ERBIN: variants seen among roughly 807,000 people sequenced by gnomAD.
The protein encoded by ERBIN is densin-180-like protein.
A neutral mutation model predicts 158.4 loss-of-function variants in ERBIN; 60 were observed. The observed-to-expected ratio is 0.38, with a 90% CI of 0.31 to 0.47. The LOEUF is 0.47. ERBIN is among the 20% of genes least tolerant of loss of function. The pLI is 0.99. For missense variants in ERBIN, 1,610 were observed against 1,648.0 expected (o/e 0.98, Z 0.40); for synonymous variants, 594 against 557.2 (o/e 1.07, Z -0.93).
At position 66,048,662 on chromosome 5, in the gene ERBIN, A is replaced by G. The variant is rs1758703588; in HGVS notation, c.1789-5A>G. ...TTTTTATCCCCCTCACCCCCTTTTC[A>G]CTAGGAATCTGAAGAACTTTCTTCT... On this transcript the variant is annotated splice_region_variant and splice_polypyrimidine_tract_variant and intron_variant, in intron 18 of 25. Coordinates refer to ENST00000284037, the MANE Select transcript of ERBIN (RefSeq NM_001253697.2). The G allele has an allele frequency of 6.3e-7, 1 of 1,586,770 alleles. No homozygotes were observed. The highest frequency in any genetic ancestry group is 1.3e-5 in the African/African-American group (1 of 74,080).
intron 22 of ERBIN, among the ~76,000 whole-genome samples, chr5:66,072,713 G>T (rs1008467994): frequency 3.9e-5 from 6 of 152,160 alleles, no homozygotes; most frequent in African/African-American, 1.4e-4. Flanking sequence ...CATCTTGAAA[G>T]ACTTTTGTAT....
intron 1 of ERBIN, among the ~76,000 whole-genome samples, chr5:65,956,625 C>T (rs251306): frequency 0.73 from 111,011 of 151,128 alleles, 42,525 homozygotes; most frequent in Non-Finnish European, 0.86. Flanking sequence ...AGCAGTCCAC[C>T]TGCCTCAGAC....
At chr5:65,943,600 T>C (rs2150894213) in intron 1 of ERBIN, among the ~76,000 whole-genome samples, 1 of 152,336 alleles carries the variant, frequency 6.6e-6, no homozygotes, top group South Asian at 2.1e-4. Flanking sequence ...TTCATCCAAG[T>C]CCAACTCAAG....
At chr5:66,071,682 A>T (rs934149425) in intron 21 of ERBIN, among the ~76,000 whole-genome samples, 1 of 151,942 alleles carries the variant, frequency 6.6e-6, no homozygotes, top group African/African-American at 2.4e-5. Flanking sequence ...AGGGGAAAAA[A>T]ATCCCATGGG....
chr5:66,020,375 C>T (rs1250375158), intron 7 of ERBIN, among the ~76,000 whole-genome samples: 2 of 151,738 alleles, frequency 1.3e-5, no homozygotes, highest in African/African-American at 4.8e-5. Context: ...GTTTTTCGTG[C>T]CGTAATTTGA....
chr5:66,056,794 C>A (rs1247177675), intron 21 of ERBIN, among the ~76,000 whole-genome samples: 1 of 152,116 alleles, frequency 6.6e-6, no homozygotes, highest in Non-Finnish European at 1.5e-5. Context: ...GTTCTCTCAT[C>A]ATTTGCTTGC....
chr5:66,062,411 C>T (rs1182843906), intron 21 of ERBIN, among the ~76,000 whole-genome samples: 2 of 152,150 alleles, frequency 1.3e-5, no homozygotes, highest in East Asian at 1.9e-4. Context: ...TTAAGGACTT[C>T]TCTGCATTGG....
intron 14 of ERBIN, among the ~76,000 whole-genome samples, chr5:66,033,934 T>C (rs911414170): frequency 4.0e-5 from 6 of 151,732 alleles, no homozygotes; most frequent in African/African-American, 1.5e-4. Flanking sequence ...TATGGGGAAA[T>C]CCCGTCTCTA....
intron 1 of ERBIN, among the ~76,000 whole-genome samples, chr5:65,943,167 C>A (rs1174391119): frequency 6.6e-6 from 1 of 152,140 alleles, no homozygotes; most frequent in African/African-American, 2.4e-5. Flanking sequence ...ATACATGTCC[C>A]TGATTGTTGC....
intron 21 of ERBIN, among the ~76,000 whole-genome samples, chr5:66,065,479 C>T (rs897394563): frequency 6.6e-6 from 1 of 151,954 alleles, no homozygotes; most frequent in African/African-American, 2.4e-5. Context: ...CTAGATTTTA[C>T]CTTTGTTCTT....
In ERBIN at chr5:66,025,857, A is replaced by G. The variant is rs1756186956; in HGVS notation, c.900A>G (p.Ser300=). The G allele has an allele frequency of 3.3e-6, 5 of 1,507,450 alleles. No homozygotes were observed. The Admixed American group carries it at 1.0e-4, about 31-fold the overall frequency. The allele number at this position is 1,507,450 out of a possible 1,614,324, so 93.4% of individuals were successfully genotyped here. A position where few individuals can be genotyped will look rare whatever the true frequency, so the allele number is the denominator to read the frequency against. ...YLPDSIGGLI[S]VEELDCSFNE... ...TTTTTTTAAATTAAAGGTTAATATC[A>G]GTAGAAGAACTGGATTGTAGTTTCA... Residue 300 remains serine (S), a synonymous_variant, in exon 12 of 26, where the codon TCA becomes TCG. Transcript: ENST00000284037.
intron 14 of ERBIN, among the ~76,000 whole-genome samples, chr5:66,034,972 T>TG (rs1362412784): frequency 6.6e-6 from 1 of 152,156 alleles, no homozygotes; most frequent in Non-Finnish European, 1.5e-5. Flanking sequence ...AAAGGAATAG[T>TG]AGTCTTGCTG....
At chr5:66,007,090 G>A (rs946400630) in intron 4 of ERBIN, among the ~76,000 whole-genome samples, 17 of 151,956 alleles carry the variant, frequency 1.1e-4, no homozygotes, top group Non-Finnish European at 2.2e-4. Context: ...ACATGCACAC[G>A]TATGTTTATT....
intron 1 of ERBIN, among the ~76,000 whole-genome samples, chr5:65,973,757 T>A (rs1463239805): frequency 2.0e-5 from 3 of 151,382 alleles, no homozygotes; most frequent in African/African-American, 7.4e-5. Flanking sequence ...AGGGTTTGAT[T>A]CAGTAGTAAA....
At chr5:66,059,862 C>T (rs1580500427) in intron 21 of ERBIN, among the ~76,000 whole-genome samples, 1 of 152,026 alleles carries the variant, frequency 6.6e-6, no homozygotes, top group African/African-American at 2.4e-5. Flanking sequence ...ATATGTTGAA[C>T]CAGCCTTGCA....
intron 1 of ERBIN, among the ~76,000 whole-genome samples, chr5:65,969,837 A>T (rs1023801887): frequency 2.6e-5 from 4 of 152,180 alleles, no homozygotes; most frequent in African/African-American, 9.7e-5. Flanking sequence ...AAATTGTTCA[A>T]ATATCTTAGC....
At chr5:66,067,931 C>G (rs1761165250) in intron 21 of ERBIN, among the ~76,000 whole-genome samples, 1 of 152,052 alleles carries the variant, frequency 6.6e-6, no homozygotes. Flanking sequence ...GGTAACATAG[C>G]AAGACCCATG....
chr5:66,051,631 C>T (rs1234369048), intron 20 of ERBIN, among the ~76,000 whole-genome samples: 2 of 152,230 alleles, frequency 1.3e-5, no homozygotes, highest in South Asian at 2.1e-4. Context: ...GTGGCTTAAA[C>T]GTGTAATCCC....
intron 1 of ERBIN, among the ~76,000 whole-genome samples, chr5:65,981,498 C>T (rs1750645384): frequency 6.6e-6 from 1 of 151,840 alleles, no homozygotes; most frequent in Non-Finnish European, 1.5e-5. Context: ...AATTGATAGG[C>T]CTCTAGCAAG....
Sources: allele counts gnomAD v4.1 joint callset (sites outside exome capture counted in the v4.1 genomes callset), GRCh38; gene constraint gnomAD v4.1.1; transcripts MANE v1.5; gene names NCBI Gene and HGNC (gene_info 2026-07-23, HGNC 2026-07-21).